POU2F1: variants seen among roughly 807,000 people sequenced by gnomAD.
POU2F1 encodes the protein POU domain, class 2, transcription factor 1.
In POU2F1, 16 loss-of-function variants were observed where a neutral mutation model predicts 84.9. The ratio of observed to expected loss-of-function variants is 0.19; its 90% confidence interval spans 0.13 to 0.29. POU2F1 has a LOEUF of 0.29. POU2F1 is among the 10% of genes least tolerant of loss of function. POU2F1 has a pLI of 1.00. For synonymous variants in POU2F1, 368 were observed against 368.3 expected (o/e 1.00, Z 0.01); for missense variants, 738 against 942.6 (o/e 0.78, Z 2.84).
At chr1:167,285,683 C>T (rs1420939420) in intron 1 of POU2F1, among the ~76,000 whole-genome samples, 3 of 152,144 alleles carry the variant, frequency 2.0e-5, no homozygotes, top group Non-Finnish European at 4.4e-5. Context: ...CCCAGTTTCC[C>T]TTTTAAGAAT....
intron 1 of POU2F1, among the ~76,000 whole-genome samples, chr1:167,308,789 G>A (rs984589357): frequency 1.3e-5 from 2 of 152,162 alleles, no homozygotes; most frequent in Non-Finnish European, 2.9e-5. Flanking sequence ...AAAGTGCTGG[G>A]ATTACAGGCA....
intron 4 of POU2F1, among the ~76,000 whole-genome samples, chr1:167,371,435 C>T (rs569274412): frequency 6.6e-6 from 1 of 152,244 alleles, no homozygotes; most frequent in Admixed American, 6.5e-5. Flanking sequence ...TCTCTCTGAG[C>T]TTGTGTGTTA....
intron 14 of POU2F1, 63 bp from the exon 15 acceptor site, chr1:167,412,963 G>A (rs1274581615): frequency 1.5e-6 from 2 of 1,351,002 alleles, no homozygotes; most frequent in Non-Finnish European, 2.1e-6. Context: ...TCCTTTTGGT[G>A]TGTTGTCAAA....
chr1:167,241,718 A>G (rs1444650162), intron 1 of POU2F1: 2 of 152,246 alleles, frequency 1.3e-5, no homozygotes, highest in Non-Finnish European at 2.9e-5. Flanking sequence ...CTAATGTTTT[A>G]CATGAATTGT....
chr1:167,296,257 G>GA (rs1160830688), intron 1 of POU2F1, among the ~76,000 whole-genome samples: 1 of 152,046 alleles, frequency 6.6e-6, no homozygotes, highest in Non-Finnish European at 1.5e-5. Context: ...CTTAGTATTT[G>GA]AAAAATCTTC....
intron 11 of POU2F1, among the ~76,000 whole-genome samples, chr1:167,398,883 G>T (rs1648998257): frequency 6.6e-6 from 1 of 152,090 alleles, no homozygotes; most frequent in Non-Finnish European, 1.5e-5. Context: ...ATGGAGAAAG[G>T]TTAAATTCCT....
At chr1:167,239,190 A>C (rs1417785356) in intron 1 of POU2F1, among the ~76,000 whole-genome samples, 3 of 152,232 alleles carry the variant, frequency 2.0e-5, no homozygotes, top group African/African-American at 7.2e-5. Context: ...TTTCTGACAT[A>C]CGTAGTGTTC....
intron 2 of POU2F1, among the ~76,000 whole-genome samples, chr1:167,359,544 G>A (rs185443449): frequency 3.3e-5 from 5 of 152,236 alleles, no homozygotes; most frequent in Non-Finnish European, 7.4e-5. Flanking sequence ...AGTATTCCAC[G>A]GTGCATATGT....
chr1:167,327,735 C>T (rs751669004), intron 1 of POU2F1, among the ~76,000 whole-genome samples: 6 of 152,144 alleles, frequency 3.9e-5, no homozygotes, highest in African/African-American at 4.8e-5. Context: ...CACCTCTCAG[C>T]AATTCCCTAC....
chr1:167,340,864 T>A (rs1003275602), intron 2 of POU2F1, among the ~76,000 whole-genome samples: 1 of 152,176 alleles, frequency 6.6e-6, no homozygotes, highest in African/African-American at 2.4e-5. Context: ...TAACAGAAAT[T>A]GAGACGATTC....
At chr1:167,285,069 G>A (rs1312483909) in intron 1 of POU2F1, among the ~76,000 whole-genome samples, 1 of 152,138 alleles carries the variant, frequency 6.6e-6, no homozygotes, top group Admixed American at 6.5e-5. Context: ...AAGAGCAATA[G>A]GCTTATTAAG....
intron 5 of POU2F1, among the ~76,000 whole-genome samples, chr1:167,373,108 G>C (rs1007099984): frequency 5.3e-5 from 8 of 151,854 alleles, no homozygotes; most frequent in African/African-American, 1.9e-4. Flanking sequence ...TCCCTTGAAG[G>C]GTATTGAGTT....
intron 15 of POU2F1, chr1:167,414,783 G>A (rs1272155002): frequency 1.1e-6 from 1 of 923,704 alleles, no homozygotes; most frequent in Non-Finnish European, 1.3e-6. Flanking sequence ...GCCTCAGGAA[G>A]TGAGAAATTA....
chr1:167,296,982 T>TGGC (rs201271612), intron 1 of POU2F1, among the ~76,000 whole-genome samples: 1 of 152,094 alleles, frequency 6.6e-6, no homozygotes, highest in African/African-American at 2.4e-5. Context: ...CTAGAAATGG[T>TGGC]GCAGGTATGC....
At chr1:167,279,249 A>C (rs769569432) in intron 1 of POU2F1, among the ~76,000 whole-genome samples, 2 of 152,254 alleles carry the variant, frequency 1.3e-5, no homozygotes, top group African/African-American at 4.8e-5. Context: ...TGGATAAAGA[A>C]ATTCAGTCTT....
chr1:167,232,346 C>G (rs778605188), intron 1 of POU2F1, among the ~76,000 whole-genome samples: 1 of 152,106 alleles, frequency 6.6e-6, no homozygotes, highest in Non-Finnish European at 1.5e-5. Context: ...TGTAATGATC[C>G]TGACCCTGTG....
At chr1:167,350,724 C>T (rs948727242) in intron 2 of POU2F1, among the ~76,000 whole-genome samples, 1 of 150,962 alleles carries the variant, frequency 6.6e-6, no homozygotes, top group Non-Finnish European at 1.5e-5. Context: ...TTAGGCTGGG[C>T]ACGGTGGCTC....
chr1:167,319,975 T>G (rs759278272), intron 1 of POU2F1, among the ~76,000 whole-genome samples: 7 of 152,220 alleles, frequency 4.6e-5, no homozygotes, highest in Non-Finnish European at 1.0e-4. Flanking sequence ...TGTAAAAGTG[T>G]CTGGCATTAG....
rs1300103341 is a variant in POU2F1 at position 167,419,524 on chromosome 1, T to G, written c.*3714T>G. On this transcript the variant is annotated 3_prime_UTR_variant, in exon 16 of 16. Coordinates refer to ENST00000367866, the MANE Select transcript of POU2F1 (RefSeq NM_002697.4). ...AGTGGTGCAATTTGGTCATAAACTT[T>G]ATTTATACCCTGTATACATCTGAAT... is the stretch of plus-strand genomic sequence containing the variant. 1 of 152,212 alleles carries G rather than the reference T, an allele frequency of 6.6e-6. No individual in the cohort carries two copies. Among genetic ancestry groups the G allele is most frequent in the Non-Finnish European group, 1.5e-5 (1 of 68,046 alleles). The allele number at this position is 152,212 out of a possible 1,614,324, so 9.4% of individuals were successfully genotyped here.
Sources: gnomAD v4.1 joint callset for allele counts (sites outside exome capture counted in the v4.1 genomes callset) on GRCh38, gnomAD v4.1.1 for gene constraint, MANE v1.5 for transcripts, NCBI Gene and HGNC (gene_info 2026-07-23, HGNC 2026-07-21) for gene names.